Variants in EFR3A observed in about 807,000 individuals in gnomAD.
EFR3A encodes the protein EFR3 homolog A, also known as protein EFR3 homolog A.
Under a neutral mutation model 104.4 loss-of-function variants are expected in EFR3A, and 76 were observed. The observed-to-expected ratio is 0.73, with a 90% CI of 0.60 to 0.88. The LOEUF (loss-of-function observed/expected upper bound fraction) is 0.88. Among genes scored for constraint, EFR3A ranks in the 40% least tolerant of loss-of-function variants. EFR3A has a pLI of 0.00. For missense variants in EFR3A, 985 were observed against 1,012.5 expected (o/e 0.97, Z 0.37); for synonymous variants, 330 against 330.0 (o/e 1.00, Z 0.00).
In EFR3A at chr8:131,996,435, A is replaced by T; in HGVS notation, c.2095A>T (p.Ile699Phe). Residue 699 changes from isoleucine (I) to phenylalanine (F), a missense_variant, in exon 19 of 23, where the codon ATT (isoleucine) becomes TTT (phenylalanine). Ile to Phe is a conservative substitution (Grantham distance 21, BLOSUM62 0). Transcript: ENST00000254624. ...DEDRLSRRKSIVDTVSIQVDI... is the reference protein window; with the variant it reads ...DEDRLSRRKSFVDTVSIQVDI... ...AGATCGACTTTCTAGAAGAAAAAGC[A>T]TTGTGGACACCGTATCCATTCAGGT... 1 of 1,596,694 alleles carries T rather than the reference A, an allele frequency of 6.3e-7. No individual in the cohort carries two copies. Among genetic ancestry groups the T allele is most frequent in the South Asian group, 1.2e-5 (1 of 85,972 alleles).
intron 2 of EFR3A, 142 bp downstream of exon 2, chr8:131,940,717 T>A: frequency 3.0e-6 from 4 of 1,330,614 alleles, no homozygotes; most frequent in Non-Finnish European, 3.9e-6. Flanking sequence ...ATACTTTTCT[T>A]TTTTTTACTC....
intron 6 of EFR3A, among the ~76,000 whole-genome samples, chr8:131,954,627 A>G (rs114147961): frequency 0.043 from 6,483 of 149,962 alleles, 341 homozygotes; most frequent in African/African-American, 0.12. Context: ...AATAATAAAT[A>G]AATAGTGAAA....
intron 18 of EFR3A, among the ~76,000 whole-genome samples, chr8:131,989,001 C>T (rs1008619746): frequency 5.9e-5 from 9 of 152,130 alleles, no homozygotes; most frequent in Non-Finnish European, 1.3e-4. Context: ...ATGGTCTGCA[C>T]TTCCCTGATT....
At position 131,922,465 on chromosome 8, in the gene EFR3A, TA is replaced by T. The variant is rs895526399; in HGVS notation, c.11-18025del. Among the ~76,000 whole-genome samples, 165 of 151,628 alleles carry T rather than the reference TA, an allele frequency of 1.1e-3. No individual in the cohort carries two copies. The Middle Eastern group carries it at 0.014, about 13-fold the overall frequency. ...ATGTATTCTACAAGTACCCTTAAAT[TA>T]AAAAAAAATTAAAAATCTGAAACAC... On this transcript the variant is annotated intron_variant, in intron 1 of 22. Transcript: ENST00000254624.
intron 10 of EFR3A, 90 bp from the exon 11 acceptor site, chr8:131,975,936 AC>A (rs1239011057): frequency 7.1e-6 from 5 of 708,310 alleles, no homozygotes; most frequent in Non-Finnish European, 1.2e-5. Flanking sequence ...TTGTTTTACC[AC>A]ATATTGAAAA....
intron 22 of EFR3A, among the ~76,000 whole-genome samples, chr8:132,006,222 G>T (rs1481060027): frequency 6.6e-6 from 1 of 151,984 alleles, no homozygotes; most frequent in Non-Finnish European, 1.5e-5. Flanking sequence ...AAGTATATCA[G>T]AAGTCAATGA....
chr8:131,987,448 C>G, intron 17 of EFR3A, 127 bp from the exon 18 acceptor site: 1 of 1,051,696 alleles, frequency 9.5e-7, no homozygotes. Context: ...GATTTTTCTG[C>G]TACTACAGTT....
chr8:131,983,584 C>T (rs1008522807), intron 14 of EFR3A, among the ~76,000 whole-genome samples: 8 of 151,706 alleles, frequency 5.3e-5, no homozygotes, highest in African/African-American at 1.9e-4. Context: ...TGTGCAATAC[C>T]TGGGGAGTTT....
chr8:131,964,840 A>T (rs929446641), intron 8 of EFR3A, among the ~76,000 whole-genome samples: 1 of 152,180 alleles, frequency 6.6e-6, no homozygotes, highest in African/African-American at 2.4e-5. Flanking sequence ...GGTAACCAAA[A>T]CAGCATGGTA....
intron 1 of EFR3A, among the ~76,000 whole-genome samples, chr8:131,939,653 T>A (rs979437025): frequency 3.3e-5 from 5 of 152,144 alleles, no homozygotes; most frequent in African/African-American, 1.2e-4. Flanking sequence ...TTTACTATAT[T>A]TGGCTTTGCA....
chr8:131,935,425 T>G, intron 1 of EFR3A: 1 of 368,116 alleles, frequency 2.7e-6, no homozygotes, highest in South Asian at 2.0e-5. Flanking sequence ...AGCAGTAGAT[T>G]GTTACAGGTG....
intron 1 of EFR3A, among the ~76,000 whole-genome samples, chr8:131,929,094 T>C (rs1817452707): frequency 6.6e-6 from 1 of 152,198 alleles, no homozygotes; most frequent in Admixed American, 6.5e-5. Flanking sequence ...AGATCAATTG[T>C]CTGCTACAGG....
chr8:131,934,460 A>G lies in EFR3A; in HGVS notation c.11-6039A>G, dbSNP rs370821028. ...TGTGGTGCTTACAGCTGTGCAGTCT[A>G]TTTGACATTGGAGAGCCTTTGTCCT... On this transcript the variant is annotated intron_variant, in intron 1 of 22. Transcript: ENST00000254624. 3.4e-4 allele frequency among the ~76,000 whole-genome samples: 52 copies of G among 152,236 alleles called. No homozygotes were observed. In the South Asian group the frequency reaches 9.5e-3, roughly 28 times the overall value.
chr8:131,912,370 C>T (rs1182345113), intron 1 of EFR3A, among the ~76,000 whole-genome samples: 3 of 152,122 alleles, frequency 2.0e-5, no homozygotes, highest in Non-Finnish European at 4.4e-5. Flanking sequence ...ATATTATTTA[C>T]AGCATTTGTA....
intron 1 of EFR3A, among the ~76,000 whole-genome samples, chr8:131,933,083 A>C (rs1817694889): frequency 6.6e-6 from 1 of 152,206 alleles, no homozygotes; most frequent in Non-Finnish European, 1.5e-5. Flanking sequence ...ACAACAATGA[A>C]AATGTTCTTT....
chr8:132,010,745 G>A lies in EFR3A; in HGVS notation c.2361-45G>A. Reference sequence around the variant, plus strand: ...GATAGAATACTCGGTGAAATGAACAGCTTGTAAGTACACCTGCTGACAATG... The same window carrying A: ...GATAGAATACTCGGTGAAATGAACAACTTGTAAGTACACCTGCTGACAATG... On this transcript the variant is annotated intron_variant, in intron 22 of 22. Coordinates refer to ENST00000254624, the MANE Select transcript of EFR3A (RefSeq NM_015137.6). 3.1e-6 allele frequency: 5 copies of A among 1,598,804 alleles called. No individual in the cohort carries two copies. In the South Asian group the frequency reaches 4.5e-5, roughly 14 times the overall value.
At chr8:131,951,636 G>C (rs982791334) in intron 5 of EFR3A, among the ~76,000 whole-genome samples, 1 of 151,974 alleles carries the variant, frequency 6.6e-6, no homozygotes, top group African/African-American at 2.4e-5. Flanking sequence ...GAAATATCTT[G>C]TCTTTTGAAT....
In EFR3A at chr8:132,012,279, A is replaced by G. The variant is rs546806020; in HGVS notation, c.*1384A>G. On this transcript the variant is annotated 3_prime_UTR_variant, in exon 23 of 23. Coordinates refer to ENST00000254624, the MANE Select transcript of EFR3A (RefSeq NM_015137.6). Reference sequence around the variant, plus strand: ...GAATGGGATGTTTGTGTTTATGGCTATTTGGGCACCTTTAGTAGAAACAGA... The same window carrying G: ...GAATGGGATGTTTGTGTTTATGGCTGTTTGGGCACCTTTAGTAGAAACAGA... 1 of 152,276 alleles carries G rather than the reference A, an allele frequency of 6.6e-6. No homozygotes were observed. Among genetic ancestry groups the G allele is most frequent in the East Asian group, 1.9e-4 (1 of 5,182 alleles). The allele number at this position is 152,276 out of a possible 1,614,324, so 9.4% of individuals were successfully genotyped here. A position where few individuals can be genotyped will look rare whatever the true frequency, so the allele number is the denominator to read the frequency against.
intron 1 of EFR3A, among the ~76,000 whole-genome samples, chr8:131,936,830 C>T (rs987634799): frequency 1.1e-4 from 16 of 152,112 alleles, no homozygotes; most frequent in African/African-American, 9.7e-5. Context: ...AGTCACCCTC[C>T]GGAAACTTCC....
Sources: gnomAD v4.1 joint callset for allele counts (sites outside exome capture counted in the v4.1 genomes callset) on GRCh38, gnomAD v4.1.1 for gene constraint, MANE v1.5 for transcripts, NCBI Gene and HGNC (gene_info 2026-07-23, HGNC 2026-07-21) for gene names.